Variants in CHL1 observed in about 807,000 individuals in gnomAD.
The protein encoded by CHL1 is neural cell adhesion molecule L1-like protein.
A neutral mutation model predicts 141.9 loss-of-function variants in CHL1; 96 were observed. That is an observed-to-expected ratio of 0.68 (90% confidence interval 0.57 to 0.80). The LOEUF is 0.80. CHL1 is among the 30% of genes least tolerant of loss of function. The pLI is 0.00. For missense variants in CHL1, 1,820 were observed against 1,457.2 expected (o/e 1.25, Z -4.05); for synonymous variants, 613 against 502.2 (o/e 1.22, Z -2.95).
At chr3:206,917 CA>C (rs1375049401) in intron 1 of CHL1, among the ~76,000 whole-genome samples, 3 of 152,214 alleles carry the variant, frequency 2.0e-5, no homozygotes, top group Non-Finnish European at 2.9e-5. Context: ...GGCATTTCCA[CA>C]AAGGTGTGAG....
intron 1 of CHL1, among the ~76,000 whole-genome samples, chr3:203,432 T>A (rs567939083): frequency 2.0e-5 from 3 of 152,260 alleles, no homozygotes; most frequent in Non-Finnish European, 4.4e-5. Context: ...GAAAGACATA[T>A]CTTCGCTGGG....
chr3:312,650 A>G (rs1699845948), intron 2 of CHL1, among the ~76,000 whole-genome samples: 1 of 152,200 alleles, frequency 6.6e-6, no homozygotes, highest in Non-Finnish European at 1.5e-5. Flanking sequence ...TCACATAAAA[A>G]GGAGTTTCAT....
chr3:224,781 C>T (rs1387739042), intron 1 of CHL1, among the ~76,000 whole-genome samples: 1 of 152,190 alleles, frequency 6.6e-6, no homozygotes, highest in Non-Finnish European at 1.5e-5. Flanking sequence ...GCAAACGTAG[C>T]TTCCCTGTTG....
At chr3:220,122 A>G (rs1234170913) in intron 1 of CHL1, among the ~76,000 whole-genome samples, 1 of 152,218 alleles carries the variant, frequency 6.6e-6, no homozygotes, top group East Asian at 1.9e-4. Flanking sequence ...AATTGAAGGG[A>G]TAGCAATAGA....
intron 2 of CHL1, among the ~76,000 whole-genome samples, chr3:305,100 A>G (rs186621568): frequency 1.3e-5 from 2 of 152,306 alleles, no homozygotes; most frequent in African/African-American, 2.4e-5. Flanking sequence ...CTCTAGAGTT[A>G]TAATTGATTT....
chr3:271,203 C>T (rs1051244448), intron 2 of CHL1, among the ~76,000 whole-genome samples: 1 of 152,172 alleles, frequency 6.6e-6, no homozygotes, highest in Non-Finnish European at 1.5e-5. Context: ...TTTGTGAACT[C>T]GGGCAAGTCA....
intron 2 of CHL1, among the ~76,000 whole-genome samples, chr3:287,919 T>C (rs1202021256): frequency 6.8e-6 from 1 of 146,336 alleles, no homozygotes; most frequent in Non-Finnish European, 1.5e-5. Flanking sequence ...GCGTGCGCCA[T>C]CACGCCAGGC....
At chr3:352,026 G>A (rs114778874) in intron 10 of CHL1, among the ~76,000 whole-genome samples, 1,768 of 152,170 alleles carry the variant, frequency 0.012, 31 homozygotes, top group African/African-American at 0.041. Flanking sequence ...TAATTTTTAT[G>A]TTGTCAACTT....
chr3:354,602 A>ATCTCTT (rs1443088229), intron 10 of CHL1, 38 bp from the exon 11 acceptor site: 1 of 1,572,254 alleles, frequency 6.4e-7, no homozygotes, highest in East Asian at 2.3e-5. Context: ...TTTTTGACAT[A>ATCTCTT]GATAACATCT....
intron 2 of CHL1, 147 bp from the exon 3 acceptor site, chr3:319,536 A>C: frequency 2.4e-6 from 1 of 417,488 alleles, no homozygotes; most frequent in Non-Finnish European, 4.2e-6. Flanking sequence ...AACTAATTTC[A>C]TTCATGCGGA....
intron 11 of CHL1, among the ~76,000 whole-genome samples, chr3:358,191 T>A (rs1162792318): frequency 6.6e-6 from 1 of 152,164 alleles, no homozygotes; most frequent in Non-Finnish European, 1.5e-5. Flanking sequence ...TGCCATGTCC[T>A]GGAAGTGCTT....
intron 1 of CHL1, chr3:197,552 G>A: frequency 3.3e-6 from 1 of 301,080 alleles, no homozygotes; most frequent in South Asian, 2.8e-5. Context: ...ACACCGCCTG[G>A]TGTGTGGGGC....
chr3:283,576 A>G (rs1482537820), intron 2 of CHL1, among the ~76,000 whole-genome samples: 1 of 152,222 alleles, frequency 6.6e-6, no homozygotes, highest in African/African-American at 2.4e-5. Context: ...ATTTGATGTT[A>G]GCATATGATA....
chr3:391,540 A>T, intron 22 of CHL1, 135 bp from the exon 23 acceptor site: 1 of 644,440 alleles, frequency 1.6e-6, no homozygotes, highest in Middle Eastern at 4.3e-4. Context: ...AATAAACATT[A>T]TTCCTTATTA....
At chr3:309,447 TTC>T (rs1699567109) in intron 2 of CHL1, 1 of 151,066 alleles carries the variant, frequency 6.6e-6, no homozygotes, top group Non-Finnish European at 1.5e-5. Flanking sequence ...TTTCTTTCTT[TTC>T]TCTTTCTTTC....
intron 15 of CHL1, 80 bp from the exon 16 acceptor site, chr3:377,738 A>C: frequency 3.1e-3 from 2,939 of 950,234 alleles, no homozygotes; most frequent in Non-Finnish European, 4.2e-3. Flanking sequence ...TCGATAAGGA[A>C]TATGCATTTT....
intron 2 of CHL1, among the ~76,000 whole-genome samples, chr3:266,961 A>G (rs1352468466): frequency 6.6e-6 from 1 of 152,182 alleles, no homozygotes; most frequent in Non-Finnish European, 1.5e-5. Flanking sequence ...GTCTGCAGGA[A>G]GCTGGCTGAT....
rs1702613485 is a variant in CHL1 at position 344,684 on chromosome 3, C to G, written c.823C>G (p.Leu275Val). The G allele has an allele frequency of 6.2e-7, 1 of 1,613,698 alleles. No homozygotes were observed. The highest frequency in any genetic ancestry group is 8.5e-7 in the Non-Finnish European group (1 of 1,179,802). Residue 275 changes from leucine to valine, a missense_variant, in exon 9 of 28, where the codon CTG (leucine) becomes GTG (valine). Coordinates refer to ENST00000256509, the MANE Select transcript of CHL1 (RefSeq NM_006614.4). ...SITILKGEIL[L>V]LECFAEGLPT... Reference sequence around the variant, plus strand: ...TACCATCCTCAAAGGGGAAATCTTGCTGCTTGAGTGTTTTGCTGAAGGCTT... The same window carrying G: ...TACCATCCTCAAAGGGGAAATCTTGGTGCTTGAGTGTTTTGCTGAAGGCTT...
chr3:278,324 C>G (rs1289540158), intron 2 of CHL1, among the ~76,000 whole-genome samples: 1 of 152,156 alleles, frequency 6.6e-6, no homozygotes, highest in Non-Finnish European at 1.5e-5. Flanking sequence ...AAATCATTTA[C>G]TAGTTGTTCC....
Sources: gnomAD v4.1 joint callset for allele counts (sites outside exome capture counted in the v4.1 genomes callset) on GRCh38, gnomAD v4.1.1 for gene constraint, MANE v1.5 for transcripts, NCBI Gene and HGNC (gene_info 2026-07-23, HGNC 2026-07-21) for gene names.